AGAP1: variants seen among roughly 807,000 people sequenced by gnomAD.
AGAP1 encodes the protein arf-GAP with GTPase, ANK repeat and PH domain-containing protein 1.
In AGAP1, 29 loss-of-function variants were observed where a neutral mutation model predicts 105.3. The ratio of observed to expected loss-of-function variants is 0.28; its 90% CI spans 0.21 to 0.38. AGAP1 has a LOEUF of 0.38. Among genes scored for constraint, AGAP1 ranks in the 10% least tolerant of loss-of-function variants. AGAP1 has a pLI of 1.00. For synonymous variants in AGAP1, 509 were observed against 485.9 expected (o/e 1.05, Z -0.63); for missense variants, 998 against 1,165.1 (o/e 0.86, Z 2.09).
Position 235,777,336 on chromosome 2 carries a change from C to T in AGAP1, c.674-20423C>T, listed in dbSNP as rs1024766419. ...CTGCACTTCAGCCTGGGTGACAGAG[C>T]GAGACTCTGTCTCAAAAAAAAAGAC... is the stretch of plus-strand genomic sequence containing the variant. On this transcript the variant is annotated intron_variant, in intron 6 of 17. Coordinates refer to ENST00000304032, the MANE Select transcript of AGAP1 (RefSeq NM_001037131.3). The surrounding 1 kb of genome is among the most constrained non-coding windows in gnomAD (Gnocchi z 5.1). Among the ~76,000 whole-genome samples, 6 of 152,034 alleles carry T rather than the reference C, an allele frequency of 3.9e-5. No homozygotes were observed. The highest frequency in any genetic ancestry group is 1.9e-4 in the East Asian group (1 of 5,170).
chr2:235,942,278 C>A (rs931038622), intron 12 of AGAP1, among the ~76,000 whole-genome samples: 10 of 152,154 alleles, frequency 6.6e-5, no homozygotes, highest in African/African-American at 2.4e-4. Context: ...ACGGGTAGAG[C>A]CGTCACTGAA....
At position 235,621,968 on chromosome 2, in the gene AGAP1, C is replaced by T. The variant is rs146932068; in HGVS notation, c.164-87211C>T. Among the ~76,000 whole-genome samples, 597 of 152,196 alleles carry T rather than the reference C, an allele frequency of 3.9e-3. 5 individuals are homozygous for T. The highest frequency in any genetic ancestry group is 0.014 in the African/African-American group (570 of 41,556). ...TCTGACGGCCTCTTACAGACTCTGT[C>T]CTTTTTGTTGTAGCTGATGGAGCAG... On this transcript the variant is annotated intron_variant, in intron 1 of 17. Transcript: ENST00000304032. This position sits in a 1 kb window ranked among gnomAD's most constrained non-coding sequence, Gnocchi z 4.1.
intron 9 of AGAP1, among the ~76,000 whole-genome samples, chr2:235,857,282 T>A (rs894420723): frequency 6.6e-6 from 1 of 152,160 alleles, no homozygotes; most frequent in South Asian, 2.1e-4. Flanking sequence ...ACACTCCTTA[T>A]GAGAATCTAG....
chr2:236,067,024 A>ATT lies in AGAP1; in HGVS notation c.2114+17756_2114+17757dup, dbSNP rs34092115. Among the ~76,000 whole-genome samples the ATT allele has an allele frequency of 3.5e-3, 527 of 149,580 alleles. 5 individuals are homozygous for ATT. The highest frequency in any genetic ancestry group is 0.012 in the African/African-American group (506 of 40,826). ...CTGAAAATGTCTTCTTCACCAACCA[A>ATT]TTTTTTTTTTTTTTATCACTGAGAC... On this transcript the variant is annotated intron_variant, in intron 16 of 17. Transcript: ENST00000304032.
At chr2:235,590,565 C>T (rs1945291230) in intron 1 of AGAP1, among the ~76,000 whole-genome samples, 1 of 152,054 alleles carries the variant, frequency 6.6e-6, no homozygotes, top group Non-Finnish European at 1.5e-5. Context: ...CTGCCCTCTC[C>T]ACCACAACCT....
Position 235,566,428 on chromosome 2 carries a change from T to C in AGAP1, c.163+71579T>C, listed in dbSNP as rs1236302602. ...GCAGACTGAAGGACTGCCGCATGCA[T>C]AGCTGCTATTATTAACTCGAGATCA... On this transcript the variant is annotated intron_variant, in intron 1 of 17. Coordinates refer to ENST00000304032, the MANE Select transcript of AGAP1 (RefSeq NM_001037131.3). This position sits in a 1 kb window ranked among gnomAD's most constrained non-coding sequence, Gnocchi z 5.2. Among the ~76,000 whole-genome samples the C allele has an allele frequency of 9.2e-5, 14 of 152,328 alleles. No individual in the cohort carries two copies. The highest frequency in any genetic ancestry group is 2.1e-4 in the South Asian group (1 of 4,828).
chr2:235,634,044 G>A (rs962227559), intron 1 of AGAP1, among the ~76,000 whole-genome samples: 117 of 152,176 alleles, frequency 7.7e-4, no homozygotes, highest in African/African-American at 2.6e-3. Context: ...TTGCAGCCTG[G>A]TGCCCTGATT....
Position 236,005,373 on chromosome 2 carries a change from T to G in AGAP1, c.1646-31188T>G, listed in dbSNP as rs1298390595. 6.6e-6 allele frequency among the ~76,000 whole-genome samples: 1 copy of G among 152,150 alleles called. No individual in the cohort carries two copies. Among genetic ancestry groups the G allele is most frequent in the Non-Finnish European group, 1.5e-5 (1 of 68,014 alleles). On this transcript the variant is annotated intron_variant, in intron 13 of 17. Transcript: ENST00000304032. The surrounding 1 kb of genome is among the most constrained non-coding windows in gnomAD (Gnocchi z 4.1). ...CCAGGCTGGTCTCAAACTCCTGACC[T>G]CAAATGATCCACCCACCTCAGCCTC...
intron 9 of AGAP1, among the ~76,000 whole-genome samples, chr2:235,862,387 T>C (rs749442710): frequency 4.6e-5 from 7 of 152,192 alleles, no homozygotes; most frequent in African/African-American, 7.2e-5. Context: ...TAAGGAAATA[T>C]TTGTGCTGCT....
At position 235,699,972 on chromosome 2, in the gene AGAP1, G is replaced by A. The variant is rs532852537; in HGVS notation, c.164-9207G>A. ...GGGAACGGCCTGTTTCTGTAGCTTG[G>A]GATGAACTTCTTCCCTGCATCTGTG... On this transcript the variant is annotated intron_variant, in intron 1 of 17. Transcript: ENST00000304032. Among the ~76,000 whole-genome samples, 307 of 152,316 alleles carry A rather than the reference G, an allele frequency of 2.0e-3. 1 individual carries two copies. The highest frequency in any genetic ancestry group is 3.4e-3 in the Non-Finnish European group (233 of 68,022).
rs1947991641 is a variant in AGAP1, at chr2:235,662,487, T to A, written c.164-46692T>A. 6.6e-6 allele frequency among the ~76,000 whole-genome samples: 1 copy of A among 151,662 alleles called. No individual in the cohort carries two copies. Among genetic ancestry groups the A allele is most frequent in the African/African-American group, 2.4e-5 (1 of 41,316 alleles). Reference sequence around the variant, plus strand: ...CCAATTTAGTTTATCATTCCCCTACTTGGTCTGTCTGCCTTCATGGAAGTT... The same window carrying A: ...CCAATTTAGTTTATCATTCCCCTACATGGTCTGTCTGCCTTCATGGAAGTT... On this transcript the variant is annotated intron_variant, in intron 1 of 17. Coordinates refer to ENST00000304032, the MANE Select transcript of AGAP1 (RefSeq NM_001037131.3). The surrounding 1 kb of genome is among the most constrained non-coding windows in gnomAD (Gnocchi z 4.2).
chr2:235,652,491 G>C lies in AGAP1; in HGVS notation c.164-56688G>C, dbSNP rs149543258. Among the ~76,000 whole-genome samples, 353 of 152,282 alleles carry C rather than the reference G, an allele frequency of 2.3e-3. 2 individuals are homozygous for C. Among genetic ancestry groups the C allele is most frequent in the African/African-American group, 8.2e-3 (340 of 41,562 alleles). ...CATGTTAAGAGAGCAGCCTCTATCTGTCTGGGGGTGGAGAGCCCATGTGAT... is the reference window on the plus strand; with the variant it reads ...CATGTTAAGAGAGCAGCCTCTATCTCTCTGGGGGTGGAGAGCCCATGTGAT... On this transcript the variant is annotated intron_variant, in intron 1 of 17. Transcript: ENST00000304032.
chr2:235,756,882 C>A (rs1413351599), intron 6 of AGAP1, among the ~76,000 whole-genome samples: 1 of 151,990 alleles, frequency 6.6e-6, no homozygotes, highest in Non-Finnish European at 1.5e-5. Context: ...GCCCCCCAAC[C>A]CCTGATCCTC....
rs549208241 is a variant in AGAP1, at chr2:235,700,392, G to A, written c.164-8787G>A. Among the ~76,000 whole-genome samples the A allele has an allele frequency of 2.6e-5, 4 of 152,168 alleles. No individual in the cohort carries two copies. The highest frequency in any genetic ancestry group is 2.6e-4 in the Admixed American group (4 of 15,274). ...CACGCCCTCTGCTTTGATTCTCTCA[G>A]ACGTGAATCCTTTAAGCAGTGCTTT... On this transcript the variant is annotated intron_variant, in intron 1 of 17. Transcript: ENST00000304032. The surrounding 1 kb of genome is among the most constrained non-coding windows in gnomAD (Gnocchi z 6.1).
rs1264922622 is a variant in AGAP1 at position 235,971,685 on chromosome 2, G to A, written c.1645+3062G>A. Among the ~76,000 whole-genome samples, 4 of 146,698 alleles carry A rather than the reference G, an allele frequency of 2.7e-5. No homozygotes were observed. The highest frequency in any genetic ancestry group is 4.0e-4 in the East Asian group (2 of 5,010). ...AGCCTGGGCGACAGAGTGAGACTCCGTCTCAAAAAAAAAAAAAATCTGTTC... is the reference window on the plus strand; with the variant it reads ...AGCCTGGGCGACAGAGTGAGACTCCATCTCAAAAAAAAAAAAAATCTGTTC... On this transcript the variant is annotated intron_variant, in intron 13 of 17. Transcript: ENST00000304032. The surrounding 1 kb of genome is among the most constrained non-coding windows in gnomAD (Gnocchi z 4.8).
At chr2:236,116,902 A>T (rs1211021171) in intron 16 of AGAP1, among the ~76,000 whole-genome samples, 1 of 152,114 alleles carries the variant, frequency 6.6e-6, no homozygotes, top group Non-Finnish European at 1.5e-5. Flanking sequence ...CTCCAGTCTC[A>T]TTGGAGGTCC....
chr2:235,990,015 A>C (rs2055493139), intron 13 of AGAP1, among the ~76,000 whole-genome samples: 2 of 152,054 alleles, frequency 1.3e-5, no homozygotes, highest in Admixed American at 1.3e-4. Context: ...TGTCTCACGG[A>C]GATTCAGACT....
chr2:235,765,448 A>T (rs1954866767), intron 6 of AGAP1, among the ~76,000 whole-genome samples: 1 of 152,114 alleles, frequency 6.6e-6, no homozygotes, highest in Non-Finnish European at 1.5e-5. Flanking sequence ...TTTTAGTCGA[A>T]CATGTAAATT....
In AGAP1 at chr2:235,701,395, G is replaced by C. The variant is rs368167709; in HGVS notation, c.164-7784G>C. ...GGCAGTGGCGTGGATGTACCTGCAG[G>C]GGTGGGCATGGTGGCATCTTGGTGG... On this transcript the variant is annotated intron_variant, in intron 1 of 17. Coordinates refer to ENST00000304032, the MANE Select transcript of AGAP1 (RefSeq NM_001037131.3). This position sits in a 1 kb window ranked among gnomAD's most constrained non-coding sequence, Gnocchi z 4.1. 1.3e-5 allele frequency among the ~76,000 whole-genome samples: 2 copies of C among 152,118 alleles called. No homozygotes were observed. Among genetic ancestry groups the C allele is most frequent in the African/African-American group, 4.8e-5 (2 of 41,426 alleles).
Sources: allele counts gnomAD v4.1 joint callset (sites outside exome capture counted in the v4.1 genomes callset), GRCh38; gene constraint gnomAD v4.1.1; non-coding constraint Gnocchi (gnomAD v3.1); transcripts MANE v1.5; gene names NCBI Gene and HGNC (gene_info 2026-07-23, HGNC 2026-07-21).